Variants in ULK4 observed in about 807,000 individuals in gnomAD.
ULK4 encodes the protein inactive serine/threonine-protein kinase ULK4.
Under a neutral mutation model 160.6 loss-of-function variants are expected in ULK4, and 133 were observed. The observed-to-expected ratio is 0.83, with a 90% confidence interval of 0.72 to 0.96. The LOEUF (loss-of-function observed/expected upper bound fraction) is 0.96, where lower values mean the gene tolerates loss of function less well. Ranked by LOEUF, ULK4 falls within the 40% of genes least tolerant of loss-of-function variation. The pLI is 0.00. For missense variants in ULK4, 1,580 were observed against 1,499.5 expected, an observed-to-expected ratio of 1.05 and a Z score of -0.89; for synonymous variants, 534 against 539.8, an observed-to-expected ratio of 0.99 and a Z score of 0.15.
At chr3:41,721,646 G>A (rs367779105) in intron 22 of ULK4, among the ~76,000 whole-genome samples, 33 of 151,830 alleles carry the variant, frequency 2.2e-4, no homozygotes, top group Admixed American at 5.9e-4. Context: ...GATTACAGGC[G>A]TGAGCCACCA....
chr3:41,278,580 TG>T (rs1035992062), intron 35 of ULK4, among the ~76,000 whole-genome samples: 2 of 152,116 alleles, frequency 1.3e-5, no homozygotes, highest in African/African-American at 4.8e-5. Flanking sequence ...GGTGCCCCTC[TG>T]GGACAAAGCT....
At chr3:41,623,209 C>A (rs182995198) in intron 30 of ULK4, among the ~76,000 whole-genome samples, 2 of 152,084 alleles carry the variant, frequency 1.3e-5, no homozygotes, top group African/African-American at 2.4e-5. Context: ...TAAATGCTCA[C>A]GGATAGAAAG....
intron 32 of ULK4, among the ~76,000 whole-genome samples, chr3:41,467,826 T>C (rs1575263960): frequency 6.6e-6 from 1 of 152,310 alleles, no homozygotes; most frequent in East Asian, 1.9e-4. Context: ...GATGGAACTT[T>C]CTAGGGTGAC....
chr3:41,511,393 G>A (rs547410080), intron 32 of ULK4, among the ~76,000 whole-genome samples: 11 of 152,128 alleles, frequency 7.2e-5, no homozygotes, highest in African/African-American at 2.6e-4. Flanking sequence ...GACCATTAGT[G>A]AGATTAACCA....
At position 41,420,444 on chromosome 3, in the gene ULK4, T is replaced by C. The variant is rs147185700; in HGVS notation, c.3493-22180A>G. On this transcript the variant is annotated intron_variant, in intron 34 of 36. Transcript: ENST00000301831. Reference sequence around the variant, plus strand: ...TTTATAGGATGATTTCACACTTCTGTGTAAGGGATTTTTCAGTTTTCCAGT... The same window carrying C: ...TTTATAGGATGATTTCACACTTCTGCGTAAGGGATTTTTCAGTTTTCCAGT... 3.5e-3 allele frequency among the ~76,000 whole-genome samples: 526 copies of C among 149,848 alleles called. 1 individual carries two copies. Among genetic ancestry groups the C allele is most frequent in the African/African-American group, 0.012 (504 of 40,692 alleles).
chr3:41,385,058 T>TAA (rs201664339), intron 35 of ULK4, among the ~76,000 whole-genome samples: 1 of 146,842 alleles, frequency 6.8e-6, no homozygotes, highest in African/African-American at 2.5e-5. Context: ...TCTCAAAAAA[T>TAA]AAAAAAAAAA....
intron 35 of ULK4, among the ~76,000 whole-genome samples, chr3:41,380,432 T>C (rs2081622655): frequency 6.6e-6 from 1 of 152,134 alleles, no homozygotes; most frequent in African/African-American, 2.4e-5. Context: ...AAAAGGTCCA[T>C]CTACAGGCCT....
intron 13 of ULK4, among the ~76,000 whole-genome samples, chr3:41,900,187 G>A (rs1260715113): frequency 1.3e-5 from 2 of 151,498 alleles, no homozygotes; most frequent in African/African-American, 4.9e-5. Flanking sequence ...TGGTTTAGAA[G>A]TACATTGTGA....
At chr3:41,796,949 C>T (rs2040316866) in intron 20 of ULK4, among the ~76,000 whole-genome samples, 1 of 152,102 alleles carries the variant, frequency 6.6e-6, no homozygotes, top group Non-Finnish European at 1.5e-5. Flanking sequence ...TCCAAGGACA[C>T]AGAAGTCATC....
At chr3:41,626,365 G>A (rs2033506458) in intron 30 of ULK4, among the ~76,000 whole-genome samples, 1 of 151,972 alleles carries the variant, frequency 6.6e-6, no homozygotes, top group African/African-American at 2.4e-5. Flanking sequence ...AATAAACTAT[G>A]TATTTAAATT....
chr3:41,709,104 A>G (rs1210118052), intron 25 of ULK4, among the ~76,000 whole-genome samples: 1 of 152,210 alleles, frequency 6.6e-6, no homozygotes, highest in Admixed American at 6.5e-5. Flanking sequence ...ATATGTTAAC[A>G]ATGGTTGTCT....
chr3:41,374,386 C>T (rs894145514), intron 35 of ULK4, among the ~76,000 whole-genome samples: 2 of 152,126 alleles, frequency 1.3e-5, no homozygotes, highest in Admixed American at 1.3e-4. Context: ...TGAAAATCCT[C>T]AACAAAATGC....
chr3:41,789,235 G>T (rs556706333), intron 21 of ULK4, among the ~76,000 whole-genome samples: 2 of 152,216 alleles, frequency 1.3e-5, no homozygotes, highest in East Asian at 3.9e-4. Flanking sequence ...CAGAATGGGG[G>T]CTCTATAATT....
At chr3:41,450,974 C>G (rs1173370693) in intron 34 of ULK4, among the ~76,000 whole-genome samples, 1 of 152,086 alleles carries the variant, frequency 6.6e-6, no homozygotes, top group Non-Finnish European at 1.5e-5. Flanking sequence ...GTAACTGGAG[C>G]GCAGTGTCAC....
At chr3:41,940,249 A>G (rs1365413374) in intron 2 of ULK4, among the ~76,000 whole-genome samples, 1 of 152,000 alleles carries the variant, frequency 6.6e-6, no homozygotes, top group African/African-American at 2.4e-5. Context: ...GTTTTCCCAC[A>G]CATTGCTACG....
chr3:41,856,599 ATATG>A lies in ULK4; in HGVS notation c.1657-20632_1657-20629del, dbSNP rs1307104871. Among the ~76,000 whole-genome samples, 185 of 80,144 alleles carry A rather than the reference ATATG, an allele frequency of 2.3e-3. 3 individuals are homozygous for A. Among genetic ancestry groups the A allele is most frequent in the African/African-American group, 0.015 (177 of 11,938 alleles). 52.6% of individuals were successfully genotyped at this position (80,144 alleles called of 152,430 possible). ...TGTGTATATATATACACATATATAT[ATATG>A]TGTATATATATACACATATATATAT... On this transcript the variant is annotated intron_variant, in intron 17 of 36. Transcript: ENST00000301831.
chr3:41,748,697 T>G (rs1488396325), intron 22 of ULK4, among the ~76,000 whole-genome samples: 1 of 152,220 alleles, frequency 6.6e-6, no homozygotes, highest in Non-Finnish European at 1.5e-5. Context: ...ATTATCACTC[T>G]TGTAATTTAT....
intron 35 of ULK4, among the ~76,000 whole-genome samples, chr3:41,285,700 T>C (rs1034162342): frequency 6.6e-6 from 1 of 152,122 alleles, no homozygotes; most frequent in Non-Finnish European, 1.5e-5. Context: ...AACTTACTAA[T>C]GTAACTAAAT....
chr3:41,956,399 C>CT (rs1287545805), intron 1 of ULK4, among the ~76,000 whole-genome samples: 2 of 152,124 alleles, frequency 1.3e-5, no homozygotes, highest in African/African-American at 4.8e-5. Flanking sequence ...GTGGAGTGTA[C>CT]TTTCGTTTTC....
Sources: allele counts gnomAD v4.1 joint callset (sites outside exome capture counted in the v4.1 genomes callset), GRCh38; gene constraint gnomAD v4.1.1; transcripts MANE v1.5; gene names NCBI Gene and HGNC (gene_info 2026-07-23, HGNC 2026-07-21).